Variants in DEPDC5 observed in about 807,000 individuals in gnomAD.
DEPDC5 encodes the protein DEP domain containing 5, GATOR1 subcomplex subunit.
Under a neutral mutation model 217.3 loss-of-function variants are expected in DEPDC5, and 73 were observed. The ratio of observed to expected loss-of-function variants is 0.34; its 90% CI spans 0.28 to 0.41. DEPDC5 has a LOEUF of 0.41. Among genes scored for constraint, DEPDC5 ranks in the 10% least tolerant of loss-of-function variants. DEPDC5 has a pLI of 1.00. For missense variants in DEPDC5, 1,675 were observed against 2,070.1 expected, an observed-to-expected ratio of 0.81 and a Z score of 3.70; for synonymous variants, 733 against 756.7, an observed-to-expected ratio of 0.97 and a Z score of 0.51.
chr22:31,891,140 GT>G, intron 38 of DEPDC5: 1 of 472,596 alleles, frequency 2.1e-6, no homozygotes, highest in South Asian at 2.0e-5. Flanking sequence ...AGCAAGGAAT[GT>G]TTTTATTTTT....
In DEPDC5 at chr22:31,823,413, G is replaced by A. The variant is rs942238734; in HGVS notation, c.2104+623G>A. Reference sequence around the variant, plus strand: ...CCAGGCATGGTGATGCACACCTGTAGTCCCAGCTACTGGGAAGGCTGAAGC... The same window carrying A: ...CCAGGCATGGTGATGCACACCTGTAATCCCAGCTACTGGGAAGGCTGAAGC... On this transcript the variant is annotated intron_variant, in intron 24 of 42. Transcript: ENST00000651528. Among the ~76,000 whole-genome samples the A allele has an allele frequency of 5.9e-5, 9 of 151,984 alleles. 1 individual carries two copies. Among genetic ancestry groups the A allele is most frequent in the African/African-American group, 2.2e-4 (9 of 41,462 alleles).
intron 24 of DEPDC5, among the ~76,000 whole-genome samples, chr22:31,833,491 A>AT (rs2148920908): frequency 6.6e-6 from 1 of 152,256 alleles, no homozygotes; most frequent in East Asian, 1.9e-4. Flanking sequence ...TATTTTATAT[A>AT]TTTTTTAGAG....
chr22:31,891,265 CTT>C (rs1242760371), intron 38 of DEPDC5: 3 of 526,154 alleles, frequency 5.7e-6, no homozygotes, highest in Non-Finnish European at 1.1e-5. Context: ...TTAATTACCT[CTT>C]AATGCAAAAG....
At chr22:31,790,045 G>A (rs1601855189) in intron 10 of DEPDC5, among the ~76,000 whole-genome samples, 1 of 152,134 alleles carries the variant, frequency 6.6e-6, no homozygotes, top group African/African-American at 2.4e-5. Context: ...TTGTGAGCCC[G>A]TTGTGTTTTC....
At chr22:31,792,922 CA>C in intron 12 of DEPDC5, 105 bp downstream of exon 12, 1 of 965,648 alleles carries the variant, frequency 1.0e-6, no homozygotes, top group Non-Finnish European at 1.4e-6. Flanking sequence ...CTGTCTCTAC[CA>C]AAAATACAAA....
At chr22:31,826,621 G>A in intron 24 of DEPDC5, 1 of 328,774 alleles carries the variant, frequency 3.0e-6, no homozygotes, top group South Asian at 2.4e-5. Flanking sequence ...TCCTTCCCAT[G>A]CCCTCCCGGG....
intron 38 of DEPDC5, chr22:31,891,299 TCATTATCTTTA>T (rs2093433686): frequency 2.1e-6 from 1 of 485,764 alleles, no homozygotes; most frequent in Non-Finnish European, 3.9e-6. Context: ...TCACTTAAAA[TCATTATCTTTA>T]CATTATCTTT....
chr22:31,874,983 G>A (rs922087773), intron 36 of DEPDC5, among the ~76,000 whole-genome samples: 7 of 152,112 alleles, frequency 4.6e-5, no homozygotes, highest in African/African-American at 1.4e-4. Context: ...ATTTAATTAC[G>A]CTGCTCAGAA....
chr22:31,879,578 G>T lies in DEPDC5; in HGVS notation c.3859G>T (p.Ala1287Ser), dbSNP rs867268278. The change falls in exon 38 of 43, where the codon GCC becomes TCC. Residue 1287 changes from alanine to serine, a missense_variant. Coordinates refer to ENST00000651528, the MANE Select transcript of DEPDC5 (RefSeq NM_001242896.3). ...GCACACAGCAGGAGTGGACGACTTC[G>T]CCAGCTTCCAGCGCAAGTGGTTTGA... ...TWHTAGVDDF[A>S]SFQRKWFEVA... 5 of 1,613,342 alleles carry T rather than the reference G, an allele frequency of 3.1e-6. No individual in the cohort carries two copies. The highest frequency in any genetic ancestry group is 2.2e-5 in the East Asian group (1 of 44,886).
At chr22:31,799,354 T>A (rs529524923) in intron 14 of DEPDC5, among the ~76,000 whole-genome samples, 74 of 148,528 alleles carry the variant, frequency 5.0e-4, no homozygotes, top group African/African-American at 1.5e-3. Context: ...TTTTTTTTTT[T>A]AAATATACTT....
chr22:31,834,039 C>A, intron 25 of DEPDC5, 59 bp downstream of exon 25: 1 of 1,538,656 alleles, frequency 6.5e-7, no homozygotes, highest in Non-Finnish European at 9.0e-7. Context: ...GTGGTCAGAG[C>A]ATGAGGAAAC....
chr22:31,904,895 G>A (rs1304561491), intron 41 of DEPDC5, among the ~76,000 whole-genome samples: 1 of 152,142 alleles, frequency 6.6e-6, no homozygotes, highest in Non-Finnish European at 1.5e-5. Context: ...ATTATGTAGA[G>A]GATACAACAC....
intron 32 of DEPDC5, among the ~76,000 whole-genome samples, chr22:31,860,646 A>T (rs2149144519): frequency 6.6e-6 from 1 of 152,260 alleles, no homozygotes; most frequent in Admixed American, 6.5e-5. Flanking sequence ...AGCCCCTCAC[A>T]ATGTGAGTGC....
intron 35 of DEPDC5, 60 bp from the exon 36 acceptor site, chr22:31,874,213 C>T (rs2149255823): frequency 5.1e-6 from 8 of 1,563,114 alleles, no homozygotes; most frequent in Non-Finnish European, 6.9e-6. Context: ...ATCTTTCCTT[C>T]CACTTGTTGC....
rs575931632 is a variant in DEPDC5, at chr22:31,853,283, A to G, written c.3156-4162A>G. On this transcript the variant is annotated intron_variant, in intron 31 of 42. Coordinates refer to ENST00000651528, the MANE Select transcript of DEPDC5 (RefSeq NM_001242896.3). Reference sequence around the variant, plus strand: ...CTGTTTCTGCTCACACTGAAGAAGCATATCTTGGGGGTAGTGGTACCCCCA... The same window carrying G: ...CTGTTTCTGCTCACACTGAAGAAGCGTATCTTGGGGGTAGTGGTACCCCCA... 3 of 152,230 alleles carry G rather than the reference A, an allele frequency of 2.0e-5. No homozygotes were observed. In the East Asian group the frequency reaches 5.8e-4, roughly 29 times the overall value. 9.4% of individuals were successfully genotyped at this position (152,230 alleles called of 1,614,324 possible). A position where few individuals can be genotyped will look rare whatever the true frequency, so the allele number is the denominator to read the frequency against.
chr22:31,880,004 A>G, intron 38 of DEPDC5: 1 of 483,720 alleles, frequency 2.1e-6, no homozygotes, highest in Non-Finnish European at 3.8e-6. Flanking sequence ...ACCTGTTCGG[A>G]TAGGAGAGAA....
intron 39 of DEPDC5, 135 bp from the exon 40 acceptor site, chr22:31,897,347 C>T: frequency 8.5e-7 from 1 of 1,178,948 alleles, no homozygotes; most frequent in Non-Finnish European, 1.2e-6. Flanking sequence ...CAATTTGCAG[C>T]CAGCAAACAT....
intron 39 of DEPDC5, among the ~76,000 whole-genome samples, chr22:31,895,203 G>C (rs1266553025): frequency 2.0e-5 from 3 of 151,614 alleles, no homozygotes; most frequent in African/African-American, 7.3e-5. Flanking sequence ...GGGTGCTACT[G>C]GTGTCTAGTG....
At position 31,760,191 on chromosome 22, in the gene DEPDC5, C is replaced by T. The variant is rs978921966; in HGVS notation, c.147-465C>T. The stretch of plus-strand genomic sequence containing the variant: ...CACGCCATTCTCCTGCCTCAGCCTC[C>T]CAAGTAGCTGGGACTACAGGCGCCC... On this transcript the variant is annotated intron_variant, in intron 3 of 42. Transcript: ENST00000651528. Among the ~76,000 whole-genome samples the T allele has an allele frequency of 4.6e-5, 7 of 152,194 alleles. No homozygotes were observed. The South Asian group carries it at 6.2e-4, about 14-fold the overall frequency.
Sources: gnomAD v4.1 joint callset for allele counts (sites outside exome capture counted in the v4.1 genomes callset) on GRCh38, gnomAD v4.1.1 for gene constraint, MANE v1.5 for transcripts, NCBI Gene and HGNC (gene_info 2026-07-23, HGNC 2026-07-21) for gene names.